Variants in PJA2 observed in about 807,000 individuals in gnomAD.
The protein encoded by PJA2 is praja ring finger ubiquitin ligase 2, also known as E3 ubiquitin-protein ligase Praja-2.
Under a neutral mutation model 69.3 loss-of-function variants are expected in PJA2, and 25 were observed. The observed-to-expected ratio is 0.36, with a 90% CI of 0.26 to 0.50. PJA2 has a LOEUF of 0.50. PJA2 is among the 20% of genes least tolerant of loss of function. The pLI, the probability that PJA2 is intolerant of heterozygous loss-of-function variation, is 0.96. For synonymous variants in PJA2, 308 were observed against 277.8 expected, an observed-to-expected ratio of 1.11 and a Z score of -1.08; for missense variants, 809 against 830.2, an observed-to-expected ratio of 0.97 and a Z score of 0.31.
At chr5:109,341,780 G>T (rs1762067330) in intron 9 of PJA2, among the ~76,000 whole-genome samples, 1 of 113,242 alleles carries the variant, frequency 8.8e-6, no homozygotes, top group Non-Finnish European at 1.9e-5. Context: ...GGAGGTGGGG[G>T]GGTCGGCCCC....
chr5:109,380,077 C>T (rs1019025807), intron 3 of PJA2, among the ~76,000 whole-genome samples: 3 of 144,238 alleles, frequency 2.1e-5, no homozygotes, highest in Non-Finnish European at 3.0e-5. Flanking sequence ...ATATATGGTA[C>T]GAAGGGTTCT....
At chr5:109,407,796 G>A (rs563823791) in intron 1 of PJA2, among the ~76,000 whole-genome samples, 131 of 151,996 alleles carry the variant, frequency 8.6e-4, no homozygotes, top group Non-Finnish European at 1.5e-3. Flanking sequence ...AATGTTATAC[G>A]TATGAAGAAA....
intron 4 of PJA2, among the ~76,000 whole-genome samples, chr5:109,375,036 C>T (rs1746830512): frequency 6.6e-6 from 1 of 152,174 alleles, no homozygotes; most frequent in African/African-American, 2.4e-5. Context: ...ACCTGTCAAA[C>T]AGCTCAGAGC....
chr5:109,400,698 G>A (rs1747523416), intron 1 of PJA2, among the ~76,000 whole-genome samples: 1 of 152,100 alleles, frequency 6.6e-6, no homozygotes, highest in Non-Finnish European at 1.5e-5. Flanking sequence ...CGAATGATAT[G>A]GCCGGGCATG....
At chr5:109,362,129 A>G (rs1409420759) in intron 6 of PJA2, among the ~76,000 whole-genome samples, 1 of 152,260 alleles carries the variant, frequency 6.6e-6, no homozygotes, top group East Asian at 1.9e-4. Context: ...ATACACCAAG[A>G]TATCTTTTTT....
chr5:109,344,788 A>G lies in PJA2; in HGVS notation c.1796T>C (p.Val599Ala). The stretch of plus-strand genomic sequence containing the variant: ...TGGTGGATTGGCCACCTCAACATCC[A>G]CTGCAAGAGACTCTAAATGGGCCAG... ...TALAHLESLA[V>A]DVEVANPPAS... The change falls in exon 8 of 10, where the codon GTG (valine) becomes GCG (alanine). Residue 599 changes from valine (V) to alanine (A), a missense_variant. This residue lies in a region of PJA2 where 55 missense variants were observed against 90.7 expected (regional missense o/e 0.61). Coordinates refer to ENST00000361189, the MANE Select transcript of PJA2 (RefSeq NM_014819.5). The G allele has an allele frequency of 6.2e-7, 1 of 1,613,960 alleles. No homozygotes were observed. The highest frequency in any genetic ancestry group is 8.5e-7 in the Non-Finnish European group (1 of 1,179,892).
chr5:109,356,614 TTC>T, intron 6 of PJA2, among the ~76,000 whole-genome samples: 1 of 152,174 alleles, frequency 6.6e-6, no homozygotes, highest in South Asian at 2.1e-4. Context: ...GTTTTTCAGT[TTC>T]CAATCCGCAT....
chr5:109,356,017 A>G lies in PJA2; in HGVS notation c.1662T>C (p.Asp554=), dbSNP rs1762406820. The G allele has an allele frequency of 5.6e-6, 9 of 1,607,736 alleles. No individual in the cohort carries two copies. The East Asian group carries it at 2.0e-4, about 36-fold the overall frequency. Residue 554 remains aspartate (D), a synonymous_variant, in exon 7 of 10, where the codon GAT becomes GAC. Transcript: ENST00000361189. ...EDLDVDWSLF[D]GFADGLGVAE... ...CAACTCCTAGTCCATCTGCAAAGCC[A>G]TCAAATAGGCTGAAAAAAAAAAAAA...
chr5:109,346,109 T>C (rs1359517626), intron 7 of PJA2, among the ~76,000 whole-genome samples: 1 of 152,220 alleles, frequency 6.6e-6, no homozygotes, highest in African/African-American at 2.4e-5. Flanking sequence ...TCAGTGGTCC[T>C]AGACTGCACG....
chr5:109,372,546 A>G (rs1762690336), intron 4 of PJA2, among the ~76,000 whole-genome samples: 1 of 152,184 alleles, frequency 6.6e-6, no homozygotes, highest in African/African-American at 2.4e-5. Flanking sequence ...AGTGCAGAGA[A>G]ATCAAAGAAA....
intron 6 of PJA2, among the ~76,000 whole-genome samples, 171 bp downstream of exon 6, chr5:109,362,669 G>A (rs1762522078): frequency 6.6e-6 from 1 of 152,230 alleles, no homozygotes; most frequent in Admixed American, 6.5e-5. Flanking sequence ...ACTGGAGGAA[G>A]TAGGAAAGGG....
intron 1 of PJA2, among the ~76,000 whole-genome samples, chr5:109,390,417 T>C (rs1747256324): frequency 6.6e-6 from 1 of 152,072 alleles, no homozygotes; most frequent in South Asian, 2.1e-4. Flanking sequence ...TTTCTTTTGG[T>C]ATTTGCAACA....
chr5:109,353,509 G>C (rs1317902259), intron 7 of PJA2, among the ~76,000 whole-genome samples: 2 of 88,730 alleles, frequency 2.3e-5, no homozygotes, highest in African/African-American at 3.3e-5. Context: ...AATATCTATA[G>C]ATATCTATAT....
chr5:109,400,044 A>G (rs940661843), intron 1 of PJA2, among the ~76,000 whole-genome samples: 7 of 152,036 alleles, frequency 4.6e-5, no homozygotes, highest in African/African-American at 1.7e-4. Context: ...AATCCCAGCA[A>G]TTTGGGAGGC....
chr5:109,342,483 A>T, intron 9 of PJA2, among the ~76,000 whole-genome samples: 1 of 104,796 alleles, frequency 9.5e-6, no homozygotes, highest in African/African-American at 3.9e-5. Flanking sequence ...TGGGGGGGTC[A>T]GCCCCCCGCC....
intron 6 of PJA2, among the ~76,000 whole-genome samples, chr5:109,356,275 T>C (rs1762411556): frequency 6.6e-6 from 1 of 152,110 alleles, no homozygotes; most frequent in South Asian, 2.1e-4. Context: ...ATGCACAAAA[T>C]TTGTAGAAAA....
intron 9 of PJA2, among the ~76,000 whole-genome samples, chr5:109,339,033 T>C (rs1051216067): frequency 6.6e-6 from 1 of 152,184 alleles, no homozygotes; most frequent in Non-Finnish European, 1.5e-5. Flanking sequence ...ACAGATGGTA[T>C]AGGGAAAAAT....
chr5:109,393,376 C>T (rs890766258), intron 1 of PJA2, among the ~76,000 whole-genome samples: 3 of 152,198 alleles, frequency 2.0e-5, no homozygotes, highest in East Asian at 3.8e-4. Context: ...TTTCATATTA[C>T]AGCTGTAAAT....
rs763731567 is a variant in PJA2, at chr5:109,383,471, T to C, written c.-38A>G. On this transcript the variant is annotated 5_prime_UTR_variant, in exon 2 of 10. Transcript: ENST00000361189. ...CTGTGTGACCAGTTCAGTAGAATTA[T>C]AGATGTGATTTAGTTTTTATTCACA... The C allele has an allele frequency of 3.4e-5, 53 of 1,555,506 alleles. No homozygotes were observed. The highest frequency in any genetic ancestry group is 4.3e-5 in the Non-Finnish European group (49 of 1,133,704).
Sources: gnomAD v4.1 joint callset for allele counts (sites outside exome capture counted in the v4.1 genomes callset) on GRCh38, gnomAD v4.1.1 for gene constraint, gnomAD v4.1.1 regional missense constraint, MANE v1.5 for transcripts, NCBI Gene and HGNC (gene_info 2026-07-23, HGNC 2026-07-21) for gene names.